ATP1B4: variants seen among roughly 807,000 people sequenced by gnomAD.
The protein encoded by ATP1B4 is ATPase Na+/K+ transporting family member beta 4, also known as protein ATP1B4.
A neutral mutation model predicts 29.6 loss-of-function variants in ATP1B4; 32 were observed. That is an observed-to-expected ratio of 1.08 (90% CI 0.82 to 1.45). The LOEUF is 1.45. ATP1B4 is among the 40% of genes most tolerant of loss of function. The pLI, the probability that ATP1B4 is intolerant of heterozygous loss-of-function variation, is 0.00. For missense variants in ATP1B4, 323 were observed against 276.2 expected (o/e 1.17, Z -1.20); for synonymous variants, 127 against 102.1 (o/e 1.24, Z -1.47).
chrX:120,368,856 A>G (rs2058299147), intron 2 of ATP1B4, among the ~76,000 whole-genome samples: 1 of 111,809 alleles, frequency 8.9e-6, no homozygotes, highest in Non-Finnish European at 1.9e-5. Flanking sequence ...GACCCAAGTA[A>G]TACTTGGACA....
rs370285447 is a variant in ATP1B4 at position 120,375,516 on chromosome X, C to T, written c.707C>T (p.Pro236Leu). Residue 236 changes from proline (P) to leucine (L), a missense_variant, in exon 5 of 8, where the codon CCA becomes CTA. Pro to Leu is a moderately conservative substitution (Grantham distance 98). Transcript: ENST00000218008. ...AAGAACTGCTCTGGTCTGGAGGACCCAACTTTTGGATACTCTACTGGACAG... is the reference window on the plus strand; with the variant it reads ...AAGAACTGCTCTGGTCTGGAGGACCTAACTTTTGGATACTCTACTGGACAG... The part of the protein sequence containing the change: ...FLKNCSGLED[P>L]TFGYSTGQPC... The T allele has an allele frequency of 8.3e-7, 1 of 1,210,740 alleles. No individual in the cohort carries two copies. The highest frequency in any genetic ancestry group is 1.1e-6 in the Non-Finnish European group (1 of 895,164).
At chrX:120,368,813 T>C (rs1264772303) in intron 2 of ATP1B4, among the ~76,000 whole-genome samples, 1 of 111,503 alleles carries the variant, frequency 9.0e-6, no homozygotes, top group Non-Finnish European at 1.9e-5. Flanking sequence ...GGGTGGGGCA[T>C]TGAGGAAAGA....
chrX:120,380,676 A>G lies in ATP1B4; in HGVS notation c.*1042A>G, dbSNP rs149519403. On this transcript the variant is annotated 3_prime_UTR_variant, in exon 8 of 8. Transcript: ENST00000218008. The stretch of plus-strand genomic sequence containing the variant: ...CAGTAGCATGATGTTTTTTGAGACC[A>G]TCAGGGGTGGTTACATAGACCAGCA... The G allele has an allele frequency of 8.9e-6, 1 of 112,309 alleles. No homozygotes were observed. Among genetic ancestry groups the G allele is most frequent in the Non-Finnish European group, 1.9e-5 (1 of 53,284 alleles). The allele number at this position is 112,309 out of a possible 1,213,427, so 9.3% of individuals were successfully genotyped here.
At chrX:120,374,302 C>T (rs924960973) in intron 4 of ATP1B4, among the ~76,000 whole-genome samples, 18 of 107,367 alleles carry the variant, frequency 1.7e-4, no homozygotes, top group Non-Finnish European at 3.5e-4. Context: ...GGATCCATTG[C>T]CAGGTCGGGA....
rs1298810776 is a variant in ATP1B4 at position 120,366,806 on chromosome X, C to T, written c.328+17C>T. ...AGAGTTGGAGTAAGTCCCAATAGTC[C>T]CAATGCCAAAGTCTGGTGTCCTTTG... On this transcript the variant is annotated intron_variant, in intron 2 of 7. Coordinates refer to ENST00000218008, the MANE Select transcript of ATP1B4 (RefSeq NM_001142447.3). The T allele has an allele frequency of 8.4e-7, 1 of 1,197,339 alleles. No homozygotes were observed. The highest frequency in any genetic ancestry group is 1.8e-5 in the African/African-American group (1 of 56,915).
At chrX:120,372,030 G>T (rs867573046) in intron 4 of ATP1B4, among the ~76,000 whole-genome samples, 1 of 112,253 alleles carries the variant, frequency 8.9e-6, no homozygotes, top group Middle Eastern at 4.7e-3. Flanking sequence ...GGTGGCAGTC[G>T]CTCCAACATT....
Position 120,375,546 on chromosome X carries a change from G to C in ATP1B4, c.737G>C (p.Cys246Ser), listed in dbSNP as rs2058349152. Residue 246 changes from cysteine to serine, a missense_variant, in exon 5 of 8, where the codon TGC becomes TCC. Coordinates refer to ENST00000218008, the MANE Select transcript of ATP1B4 (RefSeq NM_001142447.3). The stretch of plus-strand genomic sequence containing the variant: ...TTTGGATACTCTACTGGACAGCCCT[G>C]CATCCTTCTAAAGATGAACCGGGTA... ...PTFGYSTGQP[C>S]ILLKMNRIVG... 1 of 1,205,163 alleles carries C rather than the reference G, an allele frequency of 8.3e-7. No individual in the cohort carries two copies. The highest frequency in any genetic ancestry group is 1.8e-5 in the African/African-American group (1 of 56,695).
chrX:120,367,133 C>A, intron 2 of ATP1B4, among the ~76,000 whole-genome samples: 1 of 112,514 alleles, frequency 8.9e-6, no homozygotes, highest in Middle Eastern at 4.6e-3. Context: ...TTTCCCCTCT[C>A]TGAGCCTCAG....
In ATP1B4 at chrX:120,378,686, T is replaced by A. The variant is rs2058367928; in HGVS notation, c.825T>A (p.Asp275Glu). 1 of 1,208,128 alleles carries A rather than the reference T, an allele frequency of 8.3e-7. No homozygotes were observed. Among genetic ancestry groups the A allele is most frequent in the Non-Finnish European group, 1.1e-6 (1 of 894,050 alleles). ...VKVSCKVQRG[D>E]ENDIRSISYY... ...CCTGCTTTTGCTTACAGAGAGGTGA[T>A]GAAAATGACATCCGATCCATCAGTT... Residue 275 changes from aspartate (D) to glutamate (E), a missense_variant, in exon 7 of 8, where the codon GAT becomes GAA. Physicochemically the swap from Asp to Glu is conservative, Grantham distance 45 (BLOSUM62 2). Coordinates refer to ENST00000218008, the MANE Select transcript of ATP1B4 (RefSeq NM_001142447.3).
chrX:120,372,984 A>G (rs1010737695), intron 4 of ATP1B4, among the ~76,000 whole-genome samples: 19 of 112,447 alleles, frequency 1.7e-4, no homozygotes, highest in African/African-American at 5.8e-4. Flanking sequence ...TTCCCTGCTA[A>G]GAAAATCCCT....
intron 5 of ATP1B4, 79 bp downstream of exon 5, chrX:120,375,647 T>C: frequency 2.3e-6 from 2 of 878,163 alleles, no homozygotes; most frequent in South Asian, 5.3e-5. Flanking sequence ...TTTGTCTTGG[T>C]CTCTGTCTTC....
At position 120,374,666 on chromosome X, in the gene ATP1B4, T is replaced by A. The variant is rs1173168014; in HGVS notation, c.563-706T>A. On this transcript the variant is annotated intron_variant, in intron 4 of 7. Coordinates refer to ENST00000218008, the MANE Select transcript of ATP1B4 (RefSeq NM_001142447.3). Reference sequence around the variant, plus strand: ...TATTATATATATATAATATAATATATAATATATATATTATATACCCTTATA... The same window carrying A: ...TATTATATATATATAATATAATATAAAATATATATATTATATACCCTTATA... Among the ~76,000 whole-genome samples the A allele has an allele frequency of 6.0e-4, 10 of 16,698 alleles. 1 individual carries two copies. In the East Asian group the frequency reaches 0.028, roughly 46 times the overall value. The allele number at this position is 16,698 out of a possible 115,157, so 14.5% of individuals were successfully genotyped here. A position where few individuals can be genotyped will look rare whatever the true frequency, so the allele number is the denominator to read the frequency against.
intron 4 of ATP1B4, among the ~76,000 whole-genome samples, chrX:120,373,936 C>T (rs887412979): frequency 2.7e-5 from 3 of 109,810 alleles, no homozygotes; most frequent in African/African-American, 1.0e-4. Context: ...CCTCCTCTTC[C>T]TCTTCTTCCA....
At position 120,379,624 on chromosome X, in the gene ATP1B4, T is replaced by C; in HGVS notation, c.1064T>C (p.Ile355Thr). 1 of 1,205,504 alleles carries C rather than the reference T, an allele frequency of 8.3e-7. No homozygotes were observed. Among genetic ancestry groups the C allele is most frequent in the Non-Finnish European group, 1.1e-6 (1 of 893,190 alleles). ...GGCAGGGTAATCTTTACCCTGAACA[T>C]AGAAACTTAAGAACTTCAGGGGGCC... The part of the protein sequence containing the change: ...FVGRVIFTLN[I>T]ET The change falls in exon 8 of 8, where the codon ATA becomes ACA. Residue 355 changes from isoleucine (I) to threonine (T), a missense_variant. Coordinates refer to ENST00000218008, the MANE Select transcript of ATP1B4 (RefSeq NM_001142447.3).
At chrX:120,375,332 C>T (rs772226573) in intron 4 of ATP1B4, 40 bp from the exon 5 acceptor site, 1 of 1,139,751 alleles carries the variant, frequency 8.8e-7, no homozygotes, top group South Asian at 2.0e-5. Flanking sequence ...CCCTGTAGCA[C>T]CTGTCTAACA....
chrX:120,364,236 A>C (rs1478997220), intron 1 of ATP1B4, among the ~76,000 whole-genome samples: 1 of 112,063 alleles, frequency 8.9e-6, no homozygotes, highest in Non-Finnish European at 1.9e-5. Flanking sequence ...AGAGAAAAGA[A>C]AATTGTTCAG....
At chrX:120,369,356 A>G (rs1740818739) in intron 2 of ATP1B4, among the ~76,000 whole-genome samples, 1 of 112,616 alleles carries the variant, frequency 8.9e-6, no homozygotes, top group African/African-American at 3.2e-5. Context: ...ATAAAATAAA[A>G]AGGGTCAGTT....
At position 120,380,251 on chromosome X, in the gene ATP1B4, C is replaced by T. The variant is rs1250742419; in HGVS notation, c.*617C>T. ...AAAAAAAAAACCTGCCTGGCAAGGT[C>T]CTTCCCTGGGAATCACCACTCGGTC... On this transcript the variant is annotated 3_prime_UTR_variant, in exon 8 of 8. Transcript: ENST00000218008. The T allele has an allele frequency of 9.0e-6, 1 of 110,906 alleles. No individual in the cohort carries two copies. The highest frequency in any genetic ancestry group is 3.3e-5 in the African/African-American group (1 of 30,379). 9.1% of individuals were successfully genotyped at this position (110,906 alleles called of 1,213,427 possible). A position where few individuals can be genotyped will look rare whatever the true frequency, so the allele number is the denominator to read the frequency against.
rs1367390743 is a variant in ATP1B4, at chrX:120,370,826, A to T, written c.440A>T (p.Glu147Val). ...AGTCCCTATATACCAACCTTCACGG[A>T]GCGGGTAAAGCCTCCTGGTGAGTGT... is the stretch of plus-strand genomic sequence containing the variant. Reference protein sequence around the residue: ...TISPYIPTFTERVKPPGVMIR... With the variant: ...TISPYIPTFTVRVKPPGVMIR... The change falls in exon 3 of 8, where the codon GAG becomes GTG. Residue 147 changes from glutamate (E) to valine (V), a missense_variant. Physicochemically the swap from Glu to Val is moderately radical, Grantham distance 121 (BLOSUM62 -2). Transcript: ENST00000218008. 1 of 1,208,664 alleles carries T rather than the reference A, an allele frequency of 8.3e-7. No individual in the cohort carries two copies. The highest frequency in any genetic ancestry group is 1.8e-5 in the African/African-American group (1 of 57,057).
Sources: gnomAD v4.1 joint callset for allele counts (sites outside exome capture counted in the v4.1 genomes callset) on GRCh38, gnomAD v4.1.1 for gene constraint, MANE v1.5 for transcripts, NCBI Gene and HGNC (gene_info 2026-07-23, HGNC 2026-07-21) for gene names.